Variants in DLG2 observed in about 807,000 individuals in gnomAD.
DLG2 encodes the protein disks large homolog 2.
Under a neutral mutation model 132.5 loss-of-function variants are expected in DLG2, and 45 were observed. The ratio of observed to expected loss-of-function variants is 0.34; its 90% CI spans 0.27 to 0.44. DLG2 has a LOEUF of 0.44. Ranked by LOEUF, DLG2 falls within the 20% of genes least tolerant of loss-of-function variation. The pLI, the probability that DLG2 is intolerant of heterozygous loss-of-function variation, is 1.00. For synonymous variants in DLG2, 424 were observed against 419.6 expected (o/e 1.01, Z -0.13); for missense variants, 1,045 against 1,196.9 (o/e 0.87, Z 1.87).
chr11:85,512,953 A>G (rs187949528), intron 3 of DLG2, among the ~76,000 whole-genome samples: 22 of 152,270 alleles, frequency 1.4e-4, no homozygotes, highest in African/African-American at 5.1e-4. Context: ...GTTGCCCATC[A>G]ACAGTAAACT....
chr11:85,269,519 C>T (rs2077399522), intron 4 of DLG2, among the ~76,000 whole-genome samples: 1 of 152,180 alleles, frequency 6.6e-6, no homozygotes, highest in Non-Finnish European at 1.5e-5. Flanking sequence ...AGTTGGAGTT[C>T]TTAATCTTCT....
intron 11 of DLG2, among the ~76,000 whole-genome samples, chr11:84,013,775 G>C (rs1262009098): frequency 6.8e-6 from 1 of 147,466 alleles, no homozygotes; most frequent in African/African-American, 2.5e-5. Context: ...GCTGAGGCAG[G>C]AGAATTCCTT....
chr11:85,460,816 T>A (rs1201520813), intron 3 of DLG2, among the ~76,000 whole-genome samples: 1 of 152,222 alleles, frequency 6.6e-6, no homozygotes, highest in Non-Finnish European at 1.5e-5. Flanking sequence ...TTTGAAAAAC[T>A]AAGACCAAGG....
intron 16 of DLG2, among the ~76,000 whole-genome samples, chr11:83,858,723 T>C (rs2060952808): frequency 6.6e-6 from 1 of 152,210 alleles, no homozygotes; most frequent in African/African-American, 2.4e-5. Context: ...AATGATATTT[T>C]CTTCTGCAAA....
At chr11:84,296,765 G>C (rs904133167) in intron 7 of DLG2, among the ~76,000 whole-genome samples, 3 of 152,150 alleles carry the variant, frequency 2.0e-5, no homozygotes, top group African/African-American at 7.2e-5. Context: ...GAGAGAGAGA[G>C]AGGAAATAAT....
At chr11:83,913,401 T>C (rs1302984149) in intron 15 of DLG2, among the ~76,000 whole-genome samples, 1 of 152,138 alleles carries the variant, frequency 6.6e-6, no homozygotes, top group African/African-American at 2.4e-5. Context: ...AACTCAATAC[T>C]TTCCAGGCAC....
chr11:84,952,055 G>A (rs1696571792), intron 6 of DLG2, among the ~76,000 whole-genome samples: 1 of 152,140 alleles, frequency 6.6e-6, no homozygotes, highest in African/African-American at 2.4e-5. Context: ...CTTATAATGT[G>A]TCCTTTTCTA....
At chr11:84,517,299 A>G (rs1001178101) in intron 7 of DLG2, among the ~76,000 whole-genome samples, 2 of 151,774 alleles carry the variant, frequency 1.3e-5, no homozygotes, top group African/African-American at 4.8e-5. Flanking sequence ...AAATAACTCA[A>G]CGGAAAGAAA....
chr11:83,787,515 G>T (rs1036304447), intron 17 of DLG2, among the ~76,000 whole-genome samples: 2 of 151,516 alleles, frequency 1.3e-5, no homozygotes, highest in Admixed American at 6.6e-5. Flanking sequence ...TAGAGACGGG[G>T]TTTCACCGTG....
intron 8 of DLG2, among the ~76,000 whole-genome samples, chr11:84,206,690 T>C (rs183475808): frequency 2.6e-5 from 4 of 152,200 alleles, no homozygotes; most frequent in African/African-American, 9.6e-5. Flanking sequence ...AGTATCTTTA[T>C]ACCTATTTGT....
At chr11:84,862,133 A>G (rs558555724) in intron 6 of DLG2, among the ~76,000 whole-genome samples, 1 of 152,194 alleles carries the variant, frequency 6.6e-6, no homozygotes, top group South Asian at 2.1e-4. Context: ...ACATGTATAC[A>G]CATGTAACTA....
chr11:84,390,519 G>A (rs547627810), intron 7 of DLG2, among the ~76,000 whole-genome samples: 5 of 152,216 alleles, frequency 3.3e-5, no homozygotes, highest in African/African-American at 1.2e-4. Context: ...GTAGGGGAGA[G>A]GTCAGGAAAA....
At chr11:85,492,588 T>G (rs944518982) in intron 3 of DLG2, among the ~76,000 whole-genome samples, 10 of 152,188 alleles carry the variant, frequency 6.6e-5, no homozygotes, top group Admixed American at 1.3e-4. Flanking sequence ...CAAATTCTTT[T>G]TGGAGAAGTA....
At chr11:84,731,575 A>G (rs1653673945) in intron 6 of DLG2, among the ~76,000 whole-genome samples, 1 of 152,016 alleles carries the variant, frequency 6.6e-6, no homozygotes, top group Non-Finnish European at 1.5e-5. Flanking sequence ...AGGATATACA[A>G]AGAATATGTG....
At chr11:85,227,356 G>A (rs2075038033) in intron 4 of DLG2, among the ~76,000 whole-genome samples, 2 of 151,950 alleles carry the variant, frequency 1.3e-5, no homozygotes, top group African/African-American at 4.8e-5. Context: ...CCTGTCATAG[G>A]CTTAATGGAT....
chr11:85,119,070 A>C (rs2074001026), intron 5 of DLG2, among the ~76,000 whole-genome samples: 1 of 151,956 alleles, frequency 6.6e-6, no homozygotes, highest in African/African-American at 2.4e-5. Flanking sequence ...AGTAATATTT[A>C]TCTCACAAGG....
chr11:85,267,971 T>G (rs2077317801), intron 4 of DLG2, among the ~76,000 whole-genome samples: 1 of 152,148 alleles, frequency 6.6e-6, no homozygotes, highest in African/African-American at 2.4e-5. Flanking sequence ...CTCAGGATCA[T>G]GAATATGTTT....
At chr11:85,455,702 G>T (rs1004683620) in intron 3 of DLG2, among the ~76,000 whole-genome samples, 1 of 152,024 alleles carries the variant, frequency 6.6e-6, no homozygotes, top group Non-Finnish European at 1.5e-5. Context: ...TGCTCCTTCA[G>T]TGCCTAGTTT....
At chr11:84,417,179 C>T (rs755202288) in intron 7 of DLG2, among the ~76,000 whole-genome samples, 7 of 152,112 alleles carry the variant, frequency 4.6e-5, no homozygotes, top group Non-Finnish European at 1.0e-4. Context: ...TGTGGTTTAG[C>T]GGAAACACTG....
Sources: gnomAD v4.1 joint callset for allele counts (sites outside exome capture counted in the v4.1 genomes callset) on GRCh38, gnomAD v4.1.1 for gene constraint, MANE v1.5 for transcripts, NCBI Gene and HGNC (gene_info 2026-07-23, HGNC 2026-07-21) for gene names.